ANAPC4: variants seen among roughly 807,000 people sequenced by gnomAD.
ANAPC4 encodes anaphase-promoting complex subunit 4.
A neutral mutation model predicts 119.8 loss-of-function variants in ANAPC4; 63 were observed. The ratio of observed to expected loss-of-function variants is 0.53; its 90% CI spans 0.43 to 0.65. The LOEUF (loss-of-function observed/expected upper bound fraction) is 0.65. ANAPC4 is among the 30% of genes least tolerant of loss of function. The pLI, the probability that ANAPC4 is intolerant of heterozygous loss-of-function variation, is 0.00. For missense variants in ANAPC4, 716 were observed against 945.1 expected, an observed-to-expected ratio of 0.76 and a Z score of 3.18; for synonymous variants, 283 against 318.6, an observed-to-expected ratio of 0.89 and a Z score of 1.19.
intron 13 of ANAPC4, 43 bp downstream of exon 13, chr4:25,394,756 T>G: frequency 6.3e-7 from 1 of 1,598,984 alleles, no homozygotes; most frequent in South Asian, 1.1e-5. Context: ...TATGAACACA[T>G]TCTTAATTTT....
At chr4:25,380,632 T>C in intron 3 of ANAPC4, 153 bp downstream of exon 3, 1 of 469,338 alleles carries the variant, frequency 2.1e-6, no homozygotes, top group Non-Finnish European at 3.6e-6. Flanking sequence ...TAAAATATTT[T>C]TATAGAACTC....
intron 16 of ANAPC4, among the ~76,000 whole-genome samples, chr4:25,400,316 A>G (rs1341670405): frequency 6.6e-6 from 1 of 152,026 alleles, no homozygotes; most frequent in Non-Finnish European, 1.5e-5. Flanking sequence ...CAGAAGGGAA[A>G]GGGTTGGAAA....
chr4:25,412,426 C>T (rs953501051), intron 21 of ANAPC4, among the ~76,000 whole-genome samples: 2 of 151,890 alleles, frequency 1.3e-5, no homozygotes, highest in Admixed American at 6.6e-5. Context: ...CTAATCAAGG[C>T]TTGGTCTTTT....
chr4:25,389,447 G>A (rs1448157746), intron 7 of ANAPC4, among the ~76,000 whole-genome samples: 3 of 151,542 alleles, frequency 2.0e-5, no homozygotes, highest in East Asian at 3.9e-4. Flanking sequence ...GTGAGCCACC[G>A]CGCCTGGCCT....
At position 25,403,899 on chromosome 4, in the gene ANAPC4, G is replaced by T. The variant is rs572524816; in HGVS notation, c.1270+873G>T. ...GTAGTTAGTAAGTATTTGCTGACTT[G>T]ATATTAAATGTTTTGTATTCACTCT... On this transcript the variant is annotated intron_variant, in intron 17 of 28. Transcript: ENST00000315368. Among the ~76,000 whole-genome samples, 3 of 152,286 alleles carry T rather than the reference G, an allele frequency of 2.0e-5. No homozygotes were observed. The South Asian group carries it at 6.2e-4, about 32-fold the overall frequency.
chr4:25,384,799 C>CA (rs149002549), intron 4 of ANAPC4, among the ~76,000 whole-genome samples: 62,788 of 141,286 alleles, frequency 0.44, 14,587 homozygotes, highest in Non-Finnish European at 0.54. Context: ...TGACCTGTCT[C>CA]AAAAAAAAAA....
At chr4:25,395,602 A>G (rs1288704174) in intron 14 of ANAPC4, among the ~76,000 whole-genome samples, 1 of 152,096 alleles carries the variant, frequency 6.6e-6, no homozygotes, top group East Asian at 1.9e-4. Context: ...GGCGCAAACC[A>G]CTACGCCTGG....
chr4:25,408,329 G>T (rs1723374466), intron 20 of ANAPC4, among the ~76,000 whole-genome samples: 1 of 152,048 alleles, frequency 6.6e-6, no homozygotes, highest in South Asian at 2.1e-4. Flanking sequence ...ACTTTGAACG[G>T]ATCTTTTGTC....
At chr4:25,393,742 T>A in intron 10 of ANAPC4, 63 bp from the exon 11 acceptor site, 18 of 964,934 alleles carry the variant, frequency 1.9e-5, no homozygotes, top group Non-Finnish European at 2.5e-5. Context: ...AAGCACATAT[T>A]ATTTAGATAG....
In ANAPC4 at chr4:25,377,435, G is replaced by C. The variant is rs748685739; in HGVS notation, c.8G>C (p.Arg3Pro). 3.0e-5 allele frequency: 48 copies of C among 1,613,972 alleles called. No homozygotes were observed. Among genetic ancestry groups the C allele is most frequent in the Non-Finnish European group, 4.0e-5 (47 of 1,179,994 alleles). The change falls in exon 2 of 29, where the codon CGT becomes CCT. Residue 3 changes from arginine (R) to proline (P), a missense_variant. This residue lies in a region of ANAPC4 where 202 missense variants were observed against 293.5 expected (regional missense o/e 0.69). Transcript: ENST00000315368. ...CGTTGCAGGGCCGTCCCCATGTTGC[G>C]TTTTCCGACCTGTTTCCCATCCTTC... is the stretch of plus-strand genomic sequence containing the variant. ML[R>P]FPTCFPSFRV...
intron 4 of ANAPC4, among the ~76,000 whole-genome samples, chr4:25,383,838 G>A (rs1721882936): frequency 6.6e-6 from 1 of 152,170 alleles, no homozygotes; most frequent in Non-Finnish European, 1.5e-5. Context: ...ACTGAAGGTG[G>A]AGGATTTTGC....
chr4:25,388,746 A>G lies in ANAPC4; in HGVS notation c.470+3A>G. 1 of 1,608,772 alleles carries G rather than the reference A, an allele frequency of 6.2e-7. No homozygotes were observed. The highest frequency in any genetic ancestry group is 8.5e-7 in the Non-Finnish European group (1 of 1,177,094). On this transcript the variant is annotated splice_donor_region_variant and intron_variant, in intron 6 of 28. Coordinates refer to ENST00000315368, the MANE Select transcript of ANAPC4 (RefSeq NM_013367.3). ...AGCAACACCTCAAAAATATTTAGGT[A>G]AGATACGCCTTTTCTTGTTTTCAAG...
At position 25,405,822 on chromosome 4, in the gene ANAPC4, C is replaced by T. The variant is rs1723221932; in HGVS notation, c.1317+203C>T. ...ATCTCATAGAATACCTTTATTATGA[C>T]TATCTAAATTTATAGTTTTCATGTT... On this transcript the variant is annotated intron_variant, in intron 18 of 28. Transcript: ENST00000315368. This position sits in a 1 kb window ranked among gnomAD's most constrained non-coding sequence, Gnocchi z 4.6. 6.6e-6 allele frequency among the ~76,000 whole-genome samples: 1 copy of T among 152,178 alleles called. No homozygotes were observed. Among genetic ancestry groups the T allele is most frequent in the African/African-American group, 2.4e-5 (1 of 41,442 alleles).
chr4:25,380,453 G>A lies in ANAPC4; in HGVS notation c.209G>A (p.Cys70Tyr). Residue 70 changes from cysteine (C) to tyrosine (Y), a missense_variant, in exon 3 of 29, where the codon TGT (cysteine) becomes TAT (tyrosine). This residue lies in a region of ANAPC4 where 202 missense variants were observed against 293.5 expected (regional missense o/e 0.69). Transcript: ENST00000315368. ...PNENTGKEVT[C>Y]LAWRPDGKLL... is the part of the protein sequence containing the mutation. ...GAAAATACAGGAAAGGAGGTGACGT[G>A]TCTGGCATGGAGACCAGATGGCAAA... The A allele has an allele frequency of 2.5e-6, 4 of 1,611,992 alleles. No homozygotes were observed. Among genetic ancestry groups the A allele is most frequent in the Non-Finnish European group, 3.4e-6 (4 of 1,179,050 alleles).
chr4:25,407,657 T>C (rs1723327258), intron 20 of ANAPC4, among the ~76,000 whole-genome samples: 1 of 151,756 alleles, frequency 6.6e-6, no homozygotes, highest in Admixed American at 6.6e-5. Context: ...TTTATGTGAG[T>C]TGTTATTTAT....
At chr4:25,377,674 G>A in intron 2 of ANAPC4, 118 bp downstream of exon 2, 2 of 1,432,208 alleles carry the variant, frequency 1.4e-6, no homozygotes, top group East Asian at 2.5e-5. Flanking sequence ...TTCCCCTTCT[G>A]CAGACATGGC....
intron 3 of ANAPC4, among the ~76,000 whole-genome samples, chr4:25,383,044 A>G (rs1451187657): frequency 1.3e-5 from 2 of 152,062 alleles, no homozygotes; most frequent in African/African-American, 4.8e-5. Context: ...TAGATCTCCT[A>G]TAAAGTTTGA....
intron 21 of ANAPC4, 181 bp from the exon 22 acceptor site, chr4:25,413,464 T>C (rs1266210005): frequency 1.0e-5 from 5 of 499,364 alleles, no homozygotes; most frequent in Non-Finnish European, 1.8e-5. Flanking sequence ...CGGGGGTTGA[T>C]GAAAGGCAGA....
intron 4 of ANAPC4, among the ~76,000 whole-genome samples, chr4:25,383,776 T>C (rs2109111806): frequency 6.6e-6 from 1 of 152,360 alleles, no homozygotes; most frequent in East Asian, 1.9e-4. Context: ...AAATATACTT[T>C]ATTGCTAAAA....
Sources: allele counts gnomAD v4.1 joint callset (sites outside exome capture counted in the v4.1 genomes callset), GRCh38; gene constraint gnomAD v4.1.1; regional missense constraint gnomAD v4.1.1; non-coding constraint Gnocchi (gnomAD v3.1); transcripts MANE v1.5; gene names NCBI Gene and HGNC (gene_info 2026-07-23, HGNC 2026-07-21).